Variants in TRIM44 observed in about 807,000 individuals in gnomAD.
TRIM44 encodes the protein tripartite motif-containing protein 44.
Under a neutral mutation model 37.4 loss-of-function variants are expected in TRIM44, and 13 were observed. The ratio of observed to expected loss-of-function variants is 0.35; its 90% CI spans 0.23 to 0.55. The LOEUF is 0.55. Among genes scored for constraint, TRIM44 ranks in the 20% least tolerant of loss-of-function variants. The probability of loss-of-function intolerance (pLI) is 0.89; values close to 1 mark genes in which losing one functional copy is unlikely to be tolerated. For missense variants in TRIM44, 426 were observed against 437.2 expected, an observed-to-expected ratio of 0.97 and a Z score of 0.23; for synonymous variants, 175 against 157.2, an observed-to-expected ratio of 1.11 and a Z score of -0.85.
intron 4 of TRIM44, among the ~76,000 whole-genome samples, chr11:35,754,152 T>C (rs1326212767): frequency 1.3e-5 from 2 of 152,258 alleles, no homozygotes; most frequent in African/African-American, 4.8e-5. Flanking sequence ...GACTTTGTGT[T>C]AGAGGTAATC....
chr11:35,700,731 A>G (rs1048879045), intron 2 of TRIM44, among the ~76,000 whole-genome samples: 1 of 152,166 alleles, frequency 6.6e-6, no homozygotes, highest in Non-Finnish European at 1.5e-5. Context: ...CCTTCTTTGC[A>G]TAGCTAGGGG....
chr11:35,735,537 G>A, intron 4 of TRIM44, 92 bp downstream of exon 4: 3 of 1,275,268 alleles, frequency 2.4e-6, no homozygotes, highest in East Asian at 2.3e-5. Context: ...GACAGCCAAG[G>A]AACAGCACAG....
At chr11:35,786,675 CA>C (rs757826266) in intron 4 of TRIM44, among the ~76,000 whole-genome samples, 11 of 152,176 alleles carry the variant, frequency 7.2e-5, no homozygotes, top group Non-Finnish European at 1.5e-4. Flanking sequence ...ATGCCTTCTT[CA>C]CAGAGATGCA....
At chr11:35,743,701 TATC>T (rs1370970958) in intron 4 of TRIM44, among the ~76,000 whole-genome samples, 5 of 152,216 alleles carry the variant, frequency 3.3e-5, no homozygotes, top group Non-Finnish European at 5.9e-5. Flanking sequence ...ATTCCATCAT[TATC>T]ATCACTAATG....
rs796218928 is a variant in TRIM44, at chr11:35,776,942, GT to G, written c.1008-29415del. ...AGAATGTATATTCTGTTGATTTGGG[GT>G]GGAGAGTTCTGTAGATATCTATTAG... is the stretch of plus-strand genomic sequence containing the variant. On this transcript the variant is annotated intron_variant, in intron 4 of 4. Coordinates refer to ENST00000299413, the MANE Select transcript of TRIM44 (RefSeq NM_017583.6). Among the ~76,000 whole-genome samples the G allele has an allele frequency of 3.9e-5, 6 of 152,328 alleles. No homozygotes were observed. In the East Asian group the frequency reaches 7.7e-4, roughly 20 times the overall value.
intron 2 of TRIM44, among the ~76,000 whole-genome samples, chr11:35,725,469 G>T (rs1469116044): frequency 1.3e-5 from 2 of 152,032 alleles, no homozygotes; most frequent in Non-Finnish European, 2.9e-5. Flanking sequence ...AAGTAGCTGG[G>T]ATTACAGGCA....
chr11:35,769,444 C>T (rs577422595), intron 4 of TRIM44, among the ~76,000 whole-genome samples: 35 of 152,306 alleles, frequency 2.3e-4, no homozygotes, highest in Non-Finnish European at 4.0e-4. Flanking sequence ...AGGGAGGTCA[C>T]AGTCTAGCCT....
At chr11:35,785,816 A>G (rs1369762148) in intron 4 of TRIM44, among the ~76,000 whole-genome samples, 2 of 152,202 alleles carry the variant, frequency 1.3e-5, no homozygotes, top group Admixed American at 6.5e-5. Context: ...AAAACGTTCA[A>G]GGTTCCCTGC....
intron 4 of TRIM44, among the ~76,000 whole-genome samples, chr11:35,752,229 G>A (rs1474483042): frequency 1.3e-5 from 2 of 151,516 alleles, no homozygotes; most frequent in East Asian, 3.9e-4. Flanking sequence ...CAAATATAGA[G>A]GCTTCACACC....
intron 2 of TRIM44, among the ~76,000 whole-genome samples, chr11:35,707,319 G>A (rs1489725727): frequency 2.7e-4 from 41 of 152,120 alleles, no homozygotes; most frequent in East Asian, 1.9e-4. Context: ...AATCAATATC[G>A]TGAAAATGGC....
intron 4 of TRIM44, among the ~76,000 whole-genome samples, chr11:35,793,546 G>C (rs957470015): frequency 6.6e-6 from 1 of 152,020 alleles, no homozygotes; most frequent in Non-Finnish European, 1.5e-5. Context: ...AATAAACTAA[G>C]AGACTATTGG....
intron 2 of TRIM44, among the ~76,000 whole-genome samples, chr11:35,722,826 A>T (rs1361320987): frequency 2.6e-5 from 4 of 152,184 alleles, no homozygotes; most frequent in African/African-American, 7.2e-5. Flanking sequence ...CCCAGCCTGT[A>T]TTCAAAATGG....
chr11:35,727,732 A>G (rs1852198175), intron 3 of TRIM44, among the ~76,000 whole-genome samples: 1 of 152,240 alleles, frequency 6.6e-6, no homozygotes, highest in Admixed American at 6.5e-5. Flanking sequence ...TTTAGTCAGT[A>G]GAAAATAGAG....
intron 2 of TRIM44, among the ~76,000 whole-genome samples, chr11:35,699,527 C>G (rs1463850195): frequency 6.6e-6 from 1 of 151,988 alleles, no homozygotes; most frequent in Non-Finnish European, 1.5e-5. Flanking sequence ...GAAGCATTCC[C>G]TTTGAAAACT....
chr11:35,694,457 A>T (rs1332985561), intron 2 of TRIM44, among the ~76,000 whole-genome samples: 1 of 152,070 alleles, frequency 6.6e-6, no homozygotes, highest in Non-Finnish European at 1.5e-5. Context: ...CTTTTACCTT[A>T]TAAAGTATAA....
chr11:35,679,670 A>G (rs1357932371), intron 1 of TRIM44, among the ~76,000 whole-genome samples: 1 of 152,186 alleles, frequency 6.6e-6, no homozygotes, highest in Non-Finnish European at 1.5e-5. Context: ...TACCCTTTGG[A>G]TTTACAAAAG....
intron 2 of TRIM44, among the ~76,000 whole-genome samples, chr11:35,710,446 A>C (rs2135507568): frequency 6.6e-6 from 1 of 152,332 alleles, no homozygotes; most frequent in Non-Finnish European, 1.5e-5. Context: ...GATTATCAAG[A>C]GAAAAACAAG....
At chr11:35,757,520 T>C (rs1852661724) in intron 4 of TRIM44, among the ~76,000 whole-genome samples, 1 of 152,224 alleles carries the variant, frequency 6.6e-6, no homozygotes, top group African/African-American at 2.4e-5. Flanking sequence ...CTGATCTTAG[T>C]TATTTCTTGC....
intron 2 of TRIM44, among the ~76,000 whole-genome samples, chr11:35,687,341 G>A (rs1213729100): frequency 6.6e-6 from 1 of 152,110 alleles, no homozygotes; most frequent in Non-Finnish European, 1.5e-5. Context: ...GTGTAGTCAG[G>A]GTTCCAGAAG....
Sources: allele counts gnomAD v4.1 joint callset (sites outside exome capture counted in the v4.1 genomes callset), GRCh38; gene constraint gnomAD v4.1.1; transcripts MANE v1.5; gene names NCBI Gene and HGNC (gene_info 2026-07-23, HGNC 2026-07-21).